The following SLC5A1 variants were observed in gnomAD, a reference collection of about 807,000 sequenced individuals.
The protein encoded by SLC5A1 is sodium/glucose cotransporter 1.
Under a neutral mutation model 73.5 loss-of-function variants are expected in SLC5A1, and 42 were observed. That is an observed-to-expected ratio of 0.57 (90% CI 0.45 to 0.74). The LOEUF (loss-of-function observed/expected upper bound fraction) is 0.74, where lower values mean the gene tolerates loss of function less well. Among genes scored for constraint, SLC5A1 ranks in the 30% least tolerant of loss-of-function variants. The pLI, the probability that SLC5A1 is intolerant of heterozygous loss-of-function variation, is 0.00. For missense variants in SLC5A1, 634 were observed against 855.4 expected, an observed-to-expected ratio of 0.74 and a Z score of 3.23; for synonymous variants, 300 against 317.4, an observed-to-expected ratio of 0.95 and a Z score of 0.58.
chr22:32,070,454 T>G (rs1272365959), intron 5 of SLC5A1, among the ~76,000 whole-genome samples: 3 of 151,318 alleles, frequency 2.0e-5, no homozygotes, highest in Non-Finnish European at 4.4e-5. Flanking sequence ...CACCTCAGCC[T>G]CTTGTGTAGC....
chr22:32,092,883 A>G (rs1024640492), intron 11 of SLC5A1, among the ~76,000 whole-genome samples: 1 of 152,160 alleles, frequency 6.6e-6, no homozygotes, highest in Admixed American at 6.5e-5. Flanking sequence ...GCCTAAGCCA[A>G]TGCCTAGGAG....
chr22:32,056,217 C>T (rs961945466), intron 2 of SLC5A1, among the ~76,000 whole-genome samples: 1 of 152,042 alleles, frequency 6.6e-6, no homozygotes, highest in African/African-American at 2.4e-5. Context: ...GGTGAGGTCT[C>T]GCTATGTTGC....
chr22:32,101,528 A>G (rs1242906800), intron 12 of SLC5A1, among the ~76,000 whole-genome samples: 1 of 152,188 alleles, frequency 6.6e-6, no homozygotes, highest in Non-Finnish European at 1.5e-5. Context: ...TTTGATGGAA[A>G]AGTTTCTTTC....
intron 2 of SLC5A1, among the ~76,000 whole-genome samples, chr22:32,052,061 G>T (rs1337139303): frequency 1.3e-5 from 2 of 152,208 alleles, no homozygotes; most frequent in Non-Finnish European, 2.9e-5. Context: ...AATCCTCAAT[G>T]ATCTAGTGAG....
At chr22:32,088,109 A>G (rs560575744) in intron 10 of SLC5A1, among the ~76,000 whole-genome samples, 1 of 152,324 alleles carries the variant, frequency 6.6e-6, no homozygotes, top group East Asian at 1.9e-4. Context: ...CAGGAGTCAC[A>G]GTGACTCTTC....
Position 32,091,617 on chromosome 22 carries a change from C to A in SLC5A1, c.1135C>A (p.Arg379=). The A allele has an allele frequency of 9.9e-6, 16 of 1,614,044 alleles. No homozygotes were observed. The highest frequency in any genetic ancestry group is 1.4e-5 in the Non-Finnish European group (16 of 1,179,956). ...LVVELMPNGL[R]GLMLSVMLAS... is the part of the protein sequence containing the mutation. ...CAAAAATCCTTCTCTTCCAGGACTGCGAGGCCTGATGCTATCAGTCATGCT... is the reference window on the plus strand; with the variant it reads ...CAAAAATCCTTCTCTTCCAGGACTGAGAGGCCTGATGCTATCAGTCATGCT... Residue 379 remains arginine (R), a synonymous_variant, in exon 11 of 15, where the codon CGA becomes AGA. Coordinates refer to ENST00000266088, the MANE Select transcript of SLC5A1 (RefSeq NM_000343.4).
intron 2 of SLC5A1, 102 bp from the exon 3 acceptor site, chr22:32,066,833 T>C: frequency 1.2e-6 from 1 of 816,808 alleles, no homozygotes; most frequent in Non-Finnish European, 2.1e-6. Flanking sequence ...CTCTGCTCTT[T>C]CTTGTCCTTC....
At chr22:32,075,495 A>G (rs2149490121) in intron 5 of SLC5A1, among the ~76,000 whole-genome samples, 1 of 152,322 alleles carries the variant, frequency 6.6e-6, no homozygotes, top group African/African-American at 2.4e-5. Context: ...GGGGTTAAAC[A>G]GGAGCAGAAC....
chr22:32,086,495 C>A (rs1415165627), intron 10 of SLC5A1, among the ~76,000 whole-genome samples, 168 bp downstream of exon 10: 1 of 152,164 alleles, frequency 6.6e-6, no homozygotes, highest in Non-Finnish European at 1.5e-5. Flanking sequence ...TGTCCTCTCT[C>A]AGTGGGAAGG....
At chr22:32,104,726 A>G (rs964114779) in intron 13 of SLC5A1, 60 bp from the exon 14 acceptor site, 12 of 1,382,626 alleles carry the variant, frequency 8.7e-6, no homozygotes, top group Non-Finnish European at 1.2e-5. Flanking sequence ...TGCCCCCCCA[A>G]CTTCTTGTCC....
chr22:32,104,320 A>G (rs1034808028), intron 13 of SLC5A1, among the ~76,000 whole-genome samples: 3 of 152,232 alleles, frequency 2.0e-5, no homozygotes, highest in African/African-American at 4.8e-5. Context: ...GCTCTTGACT[A>G]TGTCAATAGA....
chr22:32,059,340 A>G, intron 2 of SLC5A1: 5 of 985,708 alleles, frequency 5.1e-6, no homozygotes, highest in South Asian at 4.7e-5. Context: ...CAGACAACAC[A>G]TGAGGTAAGA....
chr22:32,060,135 A>ATG (rs1172432689), intron 2 of SLC5A1, among the ~76,000 whole-genome samples: 3 of 99,930 alleles, frequency 3.0e-5, no homozygotes, highest in Admixed American at 2.5e-4. Context: ...ACACACATAT[A>ATG]TATACACATA....
At chr22:32,074,388 C>T (rs1173706643) in intron 5 of SLC5A1, among the ~76,000 whole-genome samples, 1 of 152,196 alleles carries the variant, frequency 6.6e-6, no homozygotes, top group African/African-American at 2.4e-5. Flanking sequence ...GGAGCCCATC[C>T]CCGAGGAGCC....
At chr22:32,090,944 G>T (rs2094016249) in intron 10 of SLC5A1, among the ~76,000 whole-genome samples, 1 of 151,840 alleles carries the variant, frequency 6.6e-6, no homozygotes, top group Admixed American at 6.6e-5. Context: ...TATCCTAGTG[G>T]GTACAAAGTT....
chr22:32,082,744 C>T (rs1368128156), intron 6 of SLC5A1, among the ~76,000 whole-genome samples: 1 of 152,200 alleles, frequency 6.6e-6, no homozygotes, highest in African/African-American at 2.4e-5. Context: ...CTTTGCTCCT[C>T]CCTGCCTTGT....
At chr22:32,090,257 A>T (rs970544040) in intron 10 of SLC5A1, among the ~76,000 whole-genome samples, 11 of 152,174 alleles carry the variant, frequency 7.2e-5, no homozygotes, top group African/African-American at 2.2e-4. Context: ...GTGTCATGCC[A>T]TAAAGAAATC....
chr22:32,102,080 A>G lies in SLC5A1; in HGVS notation c.1508A>G (p.Glu503Gly). ...ATTGGGATTTCACGTATGATTACTG[A>G]GTTTGCTTATGGAACCGGGAGCTGC... ...LLIGISRMIT[E>G]FAYGTGSCME... The change falls in exon 13 of 15, where the codon GAG (glutamate) becomes GGG (glycine). Residue 503 changes from glutamate (E) to glycine (G), a missense_variant. Physicochemically the swap from Glu to Gly is moderately conservative, Grantham distance 98. Transcript: ENST00000266088. 1 of 1,613,990 alleles carries G rather than the reference A, an allele frequency of 6.2e-7. No homozygotes were observed. Among genetic ancestry groups the G allele is most frequent in the Non-Finnish European group, 8.5e-7 (1 of 1,180,000 alleles).
At chr22:32,088,792 GT>G (rs1430691270) in intron 10 of SLC5A1, among the ~76,000 whole-genome samples, 1 of 152,042 alleles carries the variant, frequency 6.6e-6, no homozygotes, top group Non-Finnish European at 1.5e-5. Context: ...GTATTCTCCT[GT>G]TTGTCTTTTT....
Sources: gnomAD v4.1 joint callset for allele counts (sites outside exome capture counted in the v4.1 genomes callset) on GRCh38, gnomAD v4.1.1 for gene constraint, MANE v1.5 for transcripts, NCBI Gene and HGNC (gene_info 2026-07-23, HGNC 2026-07-21) for gene names.